KIF26B: variants seen among roughly 807,000 people sequenced by gnomAD.
KIF26B encodes the protein kinesin-like protein KIF26B.
Under a neutral mutation model 151.2 loss-of-function variants are expected in KIF26B, and 63 were observed. The observed-to-expected ratio is 0.42, with a 90% CI of 0.34 to 0.51. The LOEUF (loss-of-function observed/expected upper bound fraction) is 0.51. Ranked by LOEUF, KIF26B falls within the 20% of genes least tolerant of loss-of-function variation. KIF26B has a pLI of 0.07. For synonymous variants in KIF26B, 1,357 were observed against 1,262.1 expected, an observed-to-expected ratio of 1.08 and a Z score of -1.59; for missense variants, 2,813 against 2,913.6, an observed-to-expected ratio of 0.97 and a Z score of 0.79.
chr1:245,315,393 C>A (rs1671747238), intron 2 of KIF26B, among the ~76,000 whole-genome samples: 1 of 151,684 alleles, frequency 6.6e-6, no homozygotes, highest in Non-Finnish European at 1.5e-5. Flanking sequence ...GAGTTTGAGA[C>A]CAGGCTGGGC....
chr1:245,328,805 C>T (rs1198190808), intron 2 of KIF26B, among the ~76,000 whole-genome samples: 1 of 152,212 alleles, frequency 6.6e-6, no homozygotes, highest in African/African-American at 2.4e-5. Context: ...CCAGTTGTCG[C>T]TCATCGAGAA....
intron 4 of KIF26B, among the ~76,000 whole-genome samples, chr1:245,420,299 G>A (rs1173655): frequency 0.039 from 5,932 of 152,256 alleles, 381 homozygotes; most frequent in African/African-American, 0.13. Flanking sequence ...AAAAAAGAAA[G>A]GTATTTCAAC....
chr1:245,225,942 T>A (rs41304016), intron 2 of KIF26B: 1 of 152,190 alleles, frequency 6.6e-6, no homozygotes, highest in Non-Finnish European at 1.5e-5. Context: ...GGGAACAAAC[T>A]CTTGGCAAAT....
At chr1:245,578,361 A>G (rs534286274) in intron 5 of KIF26B, among the ~76,000 whole-genome samples, 11 of 152,334 alleles carry the variant, frequency 7.2e-5, no homozygotes, top group African/African-American at 2.2e-4. Flanking sequence ...TCTGACCCCC[A>G]TCCTTGTGTG....
At position 245,329,812 on chromosome 1, in the gene KIF26B, CTTTTA is replaced by C. The variant is rs990433016; in HGVS notation, c.466-37017_466-37013del. Among the ~76,000 whole-genome samples the C allele has an allele frequency of 1.4e-4, 21 of 152,116 alleles. 1 individual carries two copies. The highest frequency in any genetic ancestry group is 6.2e-4 in the South Asian group (3 of 4,816). ...GACCAAAAAAGGTGTTTAAAAAAAT[CTTTTA>C]TTTTTATTTTTTAAGAGACAGGCCT... On this transcript the variant is annotated intron_variant, in intron 2 of 14. Coordinates refer to ENST00000407071, the MANE Select transcript of KIF26B (RefSeq NM_018012.4).
At chr1:245,476,732 G>T (rs535967727) in intron 4 of KIF26B, among the ~76,000 whole-genome samples, 1 of 151,554 alleles carries the variant, frequency 6.6e-6, no homozygotes, top group African/African-American at 2.4e-5. Flanking sequence ...TCACCATGTT[G>T]CCCAGGCTGG....
In KIF26B at chr1:245,704,621, G is replaced by GTATC. The variant is rs2044816816; in HGVS notation, c.*2017_*2020dup. On this transcript the variant is annotated 3_prime_UTR_variant, in exon 15 of 15. Coordinates refer to ENST00000407071, the MANE Select transcript of KIF26B (RefSeq NM_018012.4). ...TGGCATGGCTCGTTCTTCCTTCTGTGTATCTCCCAAGTCTGACAAGTGTGT... is the reference window on the plus strand; with the variant it reads ...TGGCATGGCTCGTTCTTCCTTCTGTGTATCTATCTCCCAAGTCTGACAAGTGTGT... 6.6e-6 allele frequency: 1 copy of GTATC among 152,400 alleles called. No individual in the cohort carries two copies. The highest frequency in any genetic ancestry group is 6.5e-5 in the Admixed American group (1 of 15,304). The allele number at this position is 152,400 out of a possible 1,614,324, so 9.4% of individuals were successfully genotyped here. A position where few individuals can be genotyped will look rare whatever the true frequency, so the allele number is the denominator to read the frequency against.
At chr1:245,481,325 G>T (rs991600039) in intron 4 of KIF26B, among the ~76,000 whole-genome samples, 3 of 151,862 alleles carry the variant, frequency 2.0e-5, no homozygotes, top group Non-Finnish European at 4.4e-5. Context: ...ATGGTTGCAG[G>T]TTCTGTTTCC....
In KIF26B at chr1:245,227,288, C is replaced by T. The variant is rs1669895940; in HGVS notation, c.465+70605C>T. On this transcript the variant is annotated intron_variant, in intron 2 of 14. Transcript: ENST00000407071. The surrounding 1 kb of genome is among the most constrained non-coding windows in gnomAD (Gnocchi z 4.1). ...AAGAAATTCCCCTTCCTTCCACAGC[C>T]AGAGGATTTCAAGTCTATAATGTTG... Among the ~76,000 whole-genome samples the T allele has an allele frequency of 6.6e-6, 1 of 152,178 alleles. No individual in the cohort carries two copies. The highest frequency in any genetic ancestry group is 1.9e-4 in the East Asian group (1 of 5,200).
At chr1:245,428,474 T>C (rs1326982326) in intron 4 of KIF26B, among the ~76,000 whole-genome samples, 1 of 152,154 alleles carries the variant, frequency 6.6e-6, no homozygotes, top group Non-Finnish European at 1.5e-5. Context: ...GGTTGTAATT[T>C]AACGTCTACA....
intron 12 of KIF26B, among the ~76,000 whole-genome samples, chr1:245,693,932 A>G (rs1489788746): frequency 6.6e-6 from 1 of 152,232 alleles, no homozygotes; most frequent in African/African-American, 2.4e-5. Flanking sequence ...GTTCAGAATG[A>G]GAGCCTTTTT....
intron 4 of KIF26B, among the ~76,000 whole-genome samples, chr1:245,442,729 GAGCTGTCATCTCCCTCACTGTTCACCTAC>G (rs2103047985): frequency 7.7e-6 from 1 of 129,364 alleles, no homozygotes; most frequent in Non-Finnish European, 1.6e-5. Context: ...TGTTCACCTA[GAGCTGTCATCTCCCTCACTGTTCACCTAC>G]AGCGGTCATC....
At position 245,708,010 on chromosome 1, in the gene KIF26B, C is replaced by A. The variant is rs1217206858; in HGVS notation, c.*5404C>A. The stretch of plus-strand genomic sequence containing the variant: ...TACCTGTTTTTTTCCTCTGGAAAAA[C>A]CAAAGTACTTTAGTGAGTCTTACAA... On this transcript the variant is annotated 3_prime_UTR_variant, in exon 15 of 15. Coordinates refer to ENST00000407071, the MANE Select transcript of KIF26B (RefSeq NM_018012.4). The A allele has an allele frequency of 6.6e-6, 1 of 152,162 alleles. No homozygotes were observed. Among genetic ancestry groups the A allele is most frequent in the East Asian group, 1.9e-4 (1 of 5,202 alleles). 9.4% of individuals were successfully genotyped at this position (152,162 alleles called of 1,614,324 possible). A position where few individuals can be genotyped will look rare whatever the true frequency, so the allele number is the denominator to read the frequency against.
chr1:245,589,693 C>T (rs1226549886), intron 5 of KIF26B, among the ~76,000 whole-genome samples: 2 of 152,204 alleles, frequency 1.3e-5, no homozygotes, highest in Non-Finnish European at 2.9e-5. Flanking sequence ...GATTACGGTG[C>T]TTTGCCAAAC....
Position 245,382,371 on chromosome 1 carries a change from A to C in KIF26B, c.999+15004A>C, listed in dbSNP as rs116493731. Among the ~76,000 whole-genome samples, 726 of 152,180 alleles carry C rather than the reference A, an allele frequency of 4.8e-3. 3 individuals carry two copies. The highest frequency in any genetic ancestry group is 0.017 in the African/African-American group (700 of 41,514). The stretch of plus-strand genomic sequence containing the variant: ...TGGTAAGCTGAGTAATATTTGGTAA[A>C]TTACTTGACCACTCAAAGCCTCAAT... On this transcript the variant is annotated intron_variant, in intron 3 of 14. Transcript: ENST00000407071.
At chr1:245,305,802 G>A (rs1404695889) in intron 2 of KIF26B, among the ~76,000 whole-genome samples, 2 of 151,860 alleles carry the variant, frequency 1.3e-5, no homozygotes, top group Admixed American at 6.6e-5. Flanking sequence ...GCCGGGTGTG[G>A]TGGCGGGCGC....
rs1175245781 is a variant in KIF26B at position 245,560,558 on chromosome 1, C to T, written c.1350+19608C>T. On this transcript the variant is annotated intron_variant, in intron 5 of 14. Transcript: ENST00000407071. This position sits in a 1 kb window ranked among gnomAD's most constrained non-coding sequence, Gnocchi z 4.3. Reference sequence around the variant, plus strand: ...GTTAGAAAAAAAAGCAAAGCGGGAACTTGGCTTTTGTGTTGCCTTCACAGA... The same window carrying T: ...GTTAGAAAAAAAAGCAAAGCGGGAATTTGGCTTTTGTGTTGCCTTCACAGA... 6.6e-6 allele frequency among the ~76,000 whole-genome samples: 1 copy of T among 152,132 alleles called. No homozygotes were observed. Among genetic ancestry groups the T allele is most frequent in the East Asian group, 1.9e-4 (1 of 5,194 alleles).
At chr1:245,219,996 G>A (rs1395687557) in intron 2 of KIF26B, among the ~76,000 whole-genome samples, 1 of 152,100 alleles carries the variant, frequency 6.6e-6, no homozygotes, top group Admixed American at 6.5e-5. Flanking sequence ...TTCTTCCCTT[G>A]CCTTCATAGG....
At chr1:245,489,738 T>A (rs984228798) in intron 4 of KIF26B, among the ~76,000 whole-genome samples, 14 of 152,228 alleles carry the variant, frequency 9.2e-5, no homozygotes, top group Admixed American at 9.2e-4. Context: ...GTGATGTGGC[T>A]TAGATTAATA....
Sources: allele counts gnomAD v4.1 joint callset (sites outside exome capture counted in the v4.1 genomes callset), GRCh38; gene constraint gnomAD v4.1.1; non-coding constraint Gnocchi (gnomAD v3.1); transcripts MANE v1.5; gene names NCBI Gene and HGNC (gene_info 2026-07-23, HGNC 2026-07-21).